ANXA6: variants seen among roughly 807,000 people sequenced by gnomAD.
The protein encoded by ANXA6 is 67 kDa calelectrin.
In ANXA6, 71 loss-of-function variants were observed where a neutral mutation model predicts 95.4. That is an observed-to-expected ratio of 0.74 (90% CI 0.61 to 0.91). The LOEUF (loss-of-function observed/expected upper bound fraction) is 0.91. Among genes scored for constraint, ANXA6 ranks in the 40% least tolerant of loss-of-function variants. The probability of loss-of-function intolerance (pLI) is 0.00; values close to 1 mark genes in which losing one functional copy is unlikely to be tolerated. For missense variants in ANXA6, 830 were observed against 876.4 expected (o/e 0.95, Z 0.67); for synonymous variants, 289 against 315.9 (o/e 0.91, Z 0.90).
rs1031898678 is a variant in ANXA6 at position 151,117,858 on chromosome 5, G to A, written c.1439-21C>T. 5.6e-6 allele frequency: 9 copies of A among 1,601,670 alleles called. No homozygotes were observed. In the Admixed American group the frequency reaches 6.7e-5, roughly 12 times the overall value. On this transcript the variant is annotated intron_variant, in intron 18 of 25. Coordinates refer to ENST00000354546, the MANE Select transcript of ANXA6 (RefSeq NM_001155.5). ...ATAGTCTGAGGCAGAGAAAGGGGGT[G>A]TGGGTAGCTGCTGGCCAAGAAGGAT...
intron 19 of ANXA6, 126 bp downstream of exon 19, chr5:151,117,632 G>C: frequency 1.2e-6 from 1 of 809,424 alleles, no homozygotes; most frequent in South Asian, 1.6e-5. Context: ...GGAGGCAAGT[G>C]GGGAGACACC....
At chr5:151,123,972 G>C (rs1765241762) in intron 15 of ANXA6, among the ~76,000 whole-genome samples, 1 of 152,190 alleles carries the variant, frequency 6.6e-6, no homozygotes, top group Non-Finnish European at 1.5e-5. Flanking sequence ...GAGTCACACG[G>C]TGAGTCAGCA....
chr5:151,139,633 A>T (rs2113945290), intron 3 of ANXA6, among the ~76,000 whole-genome samples, 186 bp from the exon 4 acceptor site: 1 of 152,306 alleles, frequency 6.6e-6, no homozygotes. Flanking sequence ...CTGAAAGTGG[A>T]CACAGCACAC....
At position 151,138,683 on chromosome 5, in the gene ANXA6, T is replaced by A; in HGVS notation, c.313A>T (p.Ile105Phe). Residue 105 changes from isoleucine to phenylalanine, a missense_variant, in exon 5 of 26, where the codon ATC (isoleucine) becomes TTC (phenylalanine). Coordinates refer to ENST00000354546, the MANE Select transcript of ANXA6 (RefSeq NM_001155.5). ...CATACACCCCCACTTCTTACCGAGA[T>A]GGCATCTTTAATTTCTTTGGCATCA... Reference protein sequence around the residue: ...YCDAKEIKDAISGIGTDEKCL... With the variant: ...YCDAKEIKDAFSGIGTDEKCL... The A allele has an allele frequency of 6.2e-7, 1 of 1,611,636 alleles. No individual in the cohort carries two copies. The highest frequency in any genetic ancestry group is 8.5e-7 in the Non-Finnish European group (1 of 1,177,874).
At chr5:151,153,184 T>C (rs1485517953) in intron 1 of ANXA6, among the ~76,000 whole-genome samples, 1 of 152,206 alleles carries the variant, frequency 6.6e-6, no homozygotes, top group Non-Finnish European at 1.5e-5. Context: ...TCTTCCCTGC[T>C]AAACCAGGAA....
At chr5:151,138,201 C>G (rs967421346) in intron 5 of ANXA6, among the ~76,000 whole-genome samples, 1 of 152,142 alleles carries the variant, frequency 6.6e-6, no homozygotes, top group Non-Finnish European at 1.5e-5. Context: ...CTACCTCAAC[C>G]GGGCTGAACT....
intron 12 of ANXA6, chr5:151,128,473 T>C (rs1765394663): frequency 4.0e-6 from 2 of 502,872 alleles, no homozygotes; most frequent in South Asian, 2.3e-5. Flanking sequence ...CTTCTAGCAA[T>C]GGACAATTTC....
In ANXA6 at chr5:151,136,303, C is replaced by T. The variant is rs765815662; in HGVS notation, c.442G>A (p.Gly148Ser). 6.7e-5 allele frequency: 108 copies of T among 1,613,754 alleles called. No individual in the cohort carries two copies. Among genetic ancestry groups the T allele is most frequent in the Non-Finnish European group, 8.2e-5 (97 of 1,179,844 alleles). The stretch of plus-strand genomic sequence containing the variant: ...TTCTGGAAGTGGCCAGAGGTGTCGC[C>T]GATGATGTCAGCCTCCAGGTCCCGC... ...YERDLEADIIGDTSGHFQKML... is the reference protein window; with the variant it reads ...YERDLEADIISDTSGHFQKML... Residue 148 changes from glycine to serine, a missense_variant, in exon 7 of 26, where the codon GGC becomes AGC. Transcript: ENST00000354546.
intron 23 of ANXA6, among the ~76,000 whole-genome samples, chr5:151,105,952 A>G (rs1274119996): frequency 6.6e-6 from 1 of 152,184 alleles, no homozygotes; most frequent in Non-Finnish European, 1.5e-5. Flanking sequence ...GCACCAACCT[A>G]ACAGCACTGA....
chr5:151,145,279 A>C (rs1360830301), intron 2 of ANXA6, among the ~76,000 whole-genome samples: 2 of 151,846 alleles, frequency 1.3e-5, no homozygotes, highest in African/African-American at 4.8e-5. Context: ...CATGGCCAGG[A>C]CTCCAGCTGA....
intron 22 of ANXA6, among the ~76,000 whole-genome samples, chr5:151,109,350 T>A (rs914482026): frequency 1.3e-5 from 2 of 152,200 alleles, no homozygotes; most frequent in African/African-American, 4.8e-5. Context: ...AGCCTGTGGT[T>A]CAAAGATGTC....
chr5:151,153,592 T>G (rs929322813), intron 1 of ANXA6, among the ~76,000 whole-genome samples: 2 of 152,346 alleles, frequency 1.3e-5, no homozygotes, highest in South Asian at 2.1e-4. Flanking sequence ...GAATCTGTAC[T>G]TCAAAGGAAA....
chr5:151,106,558 C>T (rs1488077034), intron 23 of ANXA6, among the ~76,000 whole-genome samples: 1 of 152,182 alleles, frequency 6.6e-6, no homozygotes, highest in East Asian at 1.9e-4. Flanking sequence ...ATGGCCCTTG[C>T]TCCCCCATTC....
At chr5:151,108,618 G>A in intron 22 of ANXA6, 68 bp from the exon 23 acceptor site, 1 of 1,350,270 alleles carries the variant, frequency 7.4e-7, no homozygotes, top group Admixed American at 1.7e-5. Flanking sequence ...CCCCTCCTCA[G>A]CCCCACCCAG....
At chr5:151,146,796 G>A (rs1211995937) in intron 2 of ANXA6, among the ~76,000 whole-genome samples, 12 of 152,126 alleles carry the variant, frequency 7.9e-5, no homozygotes, top group Non-Finnish European at 1.5e-5. Context: ...AGTAGAGTGG[G>A]GTTTTTTGTT....
chr5:151,126,759 C>CTGGGGTG (rs1490125056), intron 13 of ANXA6, among the ~76,000 whole-genome samples: 12 of 152,138 alleles, frequency 7.9e-5, no homozygotes, highest in Admixed American at 1.3e-4. Flanking sequence ...TCTTGTCACC[C>CTGGGGTG]AGGCTGGGGT....
At chr5:151,109,227 T>C (rs1403650617) in intron 22 of ANXA6, among the ~76,000 whole-genome samples, 6 of 152,092 alleles carry the variant, frequency 3.9e-5, no homozygotes, top group African/African-American at 1.2e-4. Flanking sequence ...AGACATTAAA[T>C]GTAGACATTT....
At chr5:151,118,316 G>A (rs1279588590) in intron 18 of ANXA6, among the ~76,000 whole-genome samples, 1 of 150,708 alleles carries the variant, frequency 6.6e-6, no homozygotes, top group Non-Finnish European at 1.5e-5. Flanking sequence ...CTGGAGTGCA[G>A]TTGGCATGAT....
chr5:151,137,690 C>T (rs1327401789), intron 5 of ANXA6, among the ~76,000 whole-genome samples: 1 of 152,116 alleles, frequency 6.6e-6, no homozygotes, highest in Non-Finnish European at 1.5e-5. Context: ...ACTTCCCCAC[C>T]TCCCGCCTTG....
Sources: gnomAD v4.1 joint callset for allele counts (sites outside exome capture counted in the v4.1 genomes callset) on GRCh38, gnomAD v4.1.1 for gene constraint, MANE v1.5 for transcripts, NCBI Gene and HGNC (gene_info 2026-07-23, HGNC 2026-07-21) for gene names.